ITPR1: variants seen among roughly 807,000 people sequenced by gnomAD.
ITPR1 encodes inositol 1,4,5-trisphosphate receptor type 1.
A neutral mutation model predicts 318.4 loss-of-function variants in ITPR1; 96 were observed. The ratio of observed to expected loss-of-function variants is 0.30; its 90% CI spans 0.26 to 0.36. The LOEUF (loss-of-function observed/expected upper bound fraction) is 0.36. Among genes scored for constraint, ITPR1 ranks in the 10% least tolerant of loss-of-function variants. The pLI, the probability that ITPR1 is intolerant of heterozygous loss-of-function variation, is 1.00. For missense variants in ITPR1, 2,440 were observed against 3,460.2 expected, an observed-to-expected ratio of 0.71 and a Z score of 7.40; for synonymous variants, 1,312 against 1,289.9, an observed-to-expected ratio of 1.02 and a Z score of -0.37.
At chr3:4,709,143 T>C (rs554111511) in intron 37 of ITPR1, among the ~76,000 whole-genome samples, 60 of 152,290 alleles carry the variant, frequency 3.9e-4, no homozygotes, top group African/African-American at 1.4e-3. Context: ...CCAAAAGGGA[T>C]GCTATGGGGG....
intron 4 of ITPR1, among the ~76,000 whole-genome samples, chr3:4,521,812 G>A (rs1459750034): frequency 3.3e-5 from 5 of 152,180 alleles, no homozygotes; most frequent in Non-Finnish European, 7.3e-5. Flanking sequence ...CCAGGCTACT[G>A]TGAACCGAGA....
intron 5 of ITPR1, among the ~76,000 whole-genome samples, chr3:4,630,767 T>C (rs1451803170): frequency 6.6e-6 from 1 of 151,920 alleles, no homozygotes; most frequent in Non-Finnish European, 1.5e-5. Context: ...TTTGTAGTTT[T>C]AGTAGAGGCA....
intron 2 of ITPR1, among the ~76,000 whole-genome samples, chr3:4,504,507 G>C (rs2081264612): frequency 1.3e-5 from 2 of 152,262 alleles, no homozygotes; most frequent in South Asian, 4.1e-4. Flanking sequence ...CTTTTTGCAA[G>C]AGAATAAATT....
chr3:4,610,220 C>G (rs1045002887), intron 4 of ITPR1, among the ~76,000 whole-genome samples: 2 of 152,196 alleles, frequency 1.3e-5, no homozygotes, highest in African/African-American at 4.8e-5. Context: ...CCTCTCCCAT[C>G]TCTACCTGGG....
At chr3:4,749,740 T>C (rs1281050377) in intron 44 of ITPR1, 1 of 152,610 alleles carries the variant, frequency 6.6e-6, no homozygotes, top group African/African-American at 2.4e-5. Context: ...GGTAACTGTT[T>C]TTAAAAGAGT....
At chr3:4,808,346 A>G (rs1409865247) in intron 55 of ITPR1, among the ~76,000 whole-genome samples, 1 of 152,214 alleles carries the variant, frequency 6.6e-6, no homozygotes, top group Non-Finnish European at 1.5e-5. Flanking sequence ...AACTCTGTTG[A>G]TTCCCAAGTT....
intron 42 of ITPR1, among the ~76,000 whole-genome samples, chr3:4,728,813 C>T (rs2042707045): frequency 1.3e-5 from 2 of 152,182 alleles, no homozygotes; most frequent in African/African-American, 4.8e-5. Context: ...ACCCAGGCCC[C>T]TGCCCAGTCC....
intron 40 of ITPR1, among the ~76,000 whole-genome samples, chr3:4,719,439 GTGTGTA>G (rs1260622603): frequency 2.0e-5 from 3 of 152,206 alleles, no homozygotes; most frequent in Non-Finnish European, 4.4e-5. Context: ...TCGTTTGCCG[GTGTGTA>G]CTCCTGGAAA....
rs563123470 is a variant in ITPR1 at position 4,800,615 on chromosome 3, C to G, written c.7107+15C>G. 1 of 1,611,222 alleles carries G rather than the reference C, an allele frequency of 6.2e-7. No individual in the cohort carries two copies. The highest frequency in any genetic ancestry group is 8.5e-7 in the Non-Finnish European group (1 of 1,177,718). On this transcript the variant is annotated intron_variant, in intron 54 of 61. Transcript: ENST00000649015. Reference sequence around the variant, plus strand: ...GCGCTTTCAATGTAAGTGTGAATACCTTCCTTGCCACTGTTTTGTTTGCAG... The same window carrying G: ...GCGCTTTCAATGTAAGTGTGAATACGTTCCTTGCCACTGTTTTGTTTGCAG...
intron 60 of ITPR1, among the ~76,000 whole-genome samples, chr3:4,823,215 G>C (rs950092013): frequency 6.6e-6 from 1 of 152,192 alleles, no homozygotes; most frequent in African/African-American, 2.4e-5. Context: ...CCCTGGGCAT[G>C]TTGCAGTTAA....
At chr3:4,606,467 G>GA (rs1163874251) in intron 4 of ITPR1, among the ~76,000 whole-genome samples, 5 of 151,898 alleles carry the variant, frequency 3.3e-5, no homozygotes, top group South Asian at 4.2e-4. Flanking sequence ...TGCCTGGAAG[G>GA]AAAAAAAAGA....
intron 44 of ITPR1, among the ~76,000 whole-genome samples, chr3:4,744,356 A>T (rs1866999): frequency 1.3e-5 from 2 of 151,988 alleles, no homozygotes; most frequent in African/African-American, 4.8e-5. Flanking sequence ...TGCTCTTCCT[A>T]ACTTTCTTTA....
chr3:4,553,967 T>G (rs1051444978), intron 4 of ITPR1, among the ~76,000 whole-genome samples: 2 of 150,542 alleles, frequency 1.3e-5, no homozygotes, highest in African/African-American at 4.9e-5. Flanking sequence ...TCTTGAAAAC[T>G]CCTGGGCTCA....
Position 4,807,232 on chromosome 3 carries a change from AC to A in ITPR1, c.7272+972del, listed in dbSNP as rs760983673. 3.4e-5 allele frequency among the ~76,000 whole-genome samples: 5 copies of A among 145,008 alleles called. 1 individual carries two copies. Among genetic ancestry groups the A allele is most frequent in the Middle Eastern group, 7.0e-3 (2 of 286 alleles). ...AGCTCTTCAGGGAGATGCTTAGAAA[AC>A]CCCCCCGAAGCGCGTATGAGAGGCA... On this transcript the variant is annotated intron_variant, in intron 55 of 61. Coordinates refer to ENST00000649015, the MANE Select transcript of ITPR1 (RefSeq NM_001378452.1).
At position 4,775,279 on chromosome 3, in the gene ITPR1, A is replaced by G. The variant is rs2046418537; in HGVS notation, c.6017A>G (p.Asn2006Ser). The change falls in exon 47 of 62, where the codon AAT (asparagine) becomes AGT (serine). Residue 2006 changes from asparagine (N) to serine (S), a missense_variant. Physicochemically the swap from Asn to Ser is conservative, Grantham distance 46. Coordinates refer to ENST00000649015, the MANE Select transcript of ITPR1 (RefSeq NM_001378452.1). ...LRCQNNKTNY[N>S]LVCETLQFLD... ...TGCCAAAATAACAAGACCAACTACA[A>G]TTTGGTATGTGAGACCCTGCAGTTT... 6.2e-7 allele frequency: 1 copy of G among 1,614,100 alleles called. No homozygotes were observed. The highest frequency in any genetic ancestry group is 8.5e-7 in the Non-Finnish European group (1 of 1,179,972).
intron 4 of ITPR1, among the ~76,000 whole-genome samples, chr3:4,529,739 C>T (rs1415904917): frequency 1.3e-5 from 2 of 152,144 alleles, no homozygotes; most frequent in Admixed American, 6.5e-5. Context: ...TAATGATAAC[C>T]TACTTTTTAT....
chr3:4,828,374 C>T (rs184244224), intron 60 of ITPR1, among the ~76,000 whole-genome samples: 5 of 152,266 alleles, frequency 3.3e-5, no homozygotes, highest in Admixed American at 6.5e-5. Flanking sequence ...GTTGCCTAAG[C>T]GAGATGTCAT....
intron 44 of ITPR1, among the ~76,000 whole-genome samples, chr3:4,740,899 A>T (rs974486865): frequency 1.9e-4 from 29 of 152,140 alleles, no homozygotes; most frequent in African/African-American, 6.5e-4. Context: ...CTCTGGTGCC[A>T]CCCGCTTCCT....
chr3:4,585,719 G>C (rs1450497386), intron 4 of ITPR1, among the ~76,000 whole-genome samples: 5 of 152,040 alleles, frequency 3.3e-5, no homozygotes, highest in African/African-American at 1.2e-4. Flanking sequence ...TTACAGGCAT[G>C]AGCCACCGCA....
Sources: gnomAD v4.1 joint callset for allele counts (sites outside exome capture counted in the v4.1 genomes callset) on GRCh38, gnomAD v4.1.1 for gene constraint, MANE v1.5 for transcripts, NCBI Gene and HGNC (gene_info 2026-07-23, HGNC 2026-07-21) for gene names.